Variants in PLAC8L1 observed in about 807,000 individuals in gnomAD.
PLAC8L1 encodes PLAC8 like 1, also known as PLAC8-like protein 1.
PLAC8L1 carries 13 observed loss-of-function variants against 16.3 expected under a neutral mutation model. That is an observed-to-expected ratio of 0.80 (90% CI 0.52 to 1.27). The LOEUF is 1.27. PLAC8L1 is among the 50% of genes most tolerant of loss of function. The probability of loss-of-function intolerance (pLI) is 0.00; values close to 1 mark genes in which losing one functional copy is unlikely to be tolerated. For missense variants in PLAC8L1, 184 were observed against 220.2 expected (o/e 0.84, Z 1.04); for synonymous variants, 78 against 79.3 (o/e 0.98, Z 0.09).
At chr5:146,093,356 C>A (rs776702042) in intron 2 of PLAC8L1, among the ~76,000 whole-genome samples, 6 of 152,132 alleles carry the variant, frequency 3.9e-5, no homozygotes, top group Non-Finnish European at 8.8e-5. Flanking sequence ...GCATTATGTG[C>A]ATGGCAGTCT....
In PLAC8L1 at chr5:146,104,355, T is replaced by C. The variant is rs73793836; in HGVS notation, c.-44A>G. On this transcript the variant is annotated 5_prime_UTR_variant, in exon 1 of 4. Transcript: ENST00000311450. ...GTCCTTTGGGCTATCCTTTTTCCCT[T>C]TGGCAATAAGCTGGTTTCTAAACTT... 6.7e-4 allele frequency: 988 copies of C among 1,469,798 alleles called. 4 individuals are homozygous for C. The highest frequency in any genetic ancestry group is 4.7e-3 in the East Asian group (208 of 43,944). The allele number at this position is 1,469,798 out of a possible 1,614,324, so 91.0% of individuals were successfully genotyped here.
At chr5:146,100,495 C>CATT (rs71581854) in intron 1 of PLAC8L1, among the ~76,000 whole-genome samples, 34,110 of 151,908 alleles carry the variant, frequency 0.22, 4,809 homozygotes, top group Admixed American at 0.34. Context: ...AAAAATCTAG[C>CATT]ATGTCAATTT....
chr5:146,085,605 T>C lies in PLAC8L1; in HGVS notation c.257-8A>G, dbSNP rs763677355. 3 of 1,599,672 alleles carry C rather than the reference T, an allele frequency of 1.9e-6. No homozygotes were observed. Among genetic ancestry groups the C allele is most frequent in the African/African-American group, 2.7e-5 (2 of 74,498 alleles). On this transcript the variant is annotated splice_region_variant and splice_polypyrimidine_tract_variant and intron_variant, in intron 2 of 3. Transcript: ENST00000311450. ...AGAATAGACCACAGAAACCTGTCAA[T>C]AACCACATCCAAAAAGCCAAGGTTC...
chr5:146,094,057 T>C (rs140943040), intron 2 of PLAC8L1, among the ~76,000 whole-genome samples: 1,700 of 152,264 alleles, frequency 0.011, 24 homozygotes, highest in African/African-American at 0.035. Context: ...TGTTTATAGA[T>C]TTTTGTTGTT....
rs746808227 is a variant in PLAC8L1, at chr5:146,098,228, T to C, written c.184A>G (p.Ile62Val). 5.0e-6 allele frequency: 8 copies of C among 1,614,128 alleles called. No homozygotes were observed. Among genetic ancestry groups the C allele is most frequent in the Non-Finnish European group, 6.8e-6 (8 of 1,180,010 alleles). Residue 62 changes from isoleucine to valine, a missense_variant, in exon 2 of 4, where the codon ATC (isoleucine) becomes GTC (valine). Coordinates refer to ENST00000311450, the MANE Select transcript of PLAC8L1 (RefSeq NM_001029869.3). The part of the protein sequence containing the change: ...PVRGASGRTT[I>V]TAIVQTGGGW... ...CCGCCAGTCTGGACAATTGCTGTGA[T>C]TGTCGTCCTGCCACTGGCTCCCCGA...
At chr5:146,084,771 G>T (rs976039090) in intron 3 of PLAC8L1, among the ~76,000 whole-genome samples, 199 bp from the exon 4 acceptor site, 1 of 152,340 alleles carries the variant, frequency 6.6e-6, no homozygotes, top group East Asian at 1.9e-4. Flanking sequence ...GATTCAGAGC[G>T]CTGCCCTTAG....
At chr5:146,102,105 G>C (rs1042729264) in intron 1 of PLAC8L1, among the ~76,000 whole-genome samples, 1 of 148,636 alleles carries the variant, frequency 6.7e-6, no homozygotes, top group Non-Finnish European at 1.5e-5. Flanking sequence ...ACCCAGGCTG[G>C]AGTTGAGCGG....
rs184717692 is a variant in PLAC8L1 at position 146,104,326 on chromosome 5, T to C, written c.-15A>G. 2,060 of 1,586,696 alleles carry C rather than the reference T, an allele frequency of 1.3e-3. 4 individuals carry two copies. The highest frequency in any genetic ancestry group is 1.6e-3 in the Non-Finnish European group (1,900 of 1,155,116). ...AACCAATTCATAGTGAGAAGTGTTT[T>C]CTTGTCCTTTGGGCTATCCTTTTTC... On this transcript the variant is annotated 5_prime_UTR_variant, in exon 1 of 4. Transcript: ENST00000311450.
At chr5:146,091,498 A>G (rs566971893) in intron 2 of PLAC8L1, among the ~76,000 whole-genome samples, 2 of 152,292 alleles carry the variant, frequency 1.3e-5, no homozygotes, top group East Asian at 1.9e-4. Flanking sequence ...TATTATAAAT[A>G]TAGAGAAATA....
rs1181182115 is a variant in PLAC8L1 at position 146,098,175 on chromosome 5, G to A, written c.237C>T (p.Val79=). The change falls in exon 2 of 4, where the codon GTC becomes GTT. Residue 79 remains valine (V), a synonymous_variant. Coordinates refer to ENST00000311450, the MANE Select transcript of PLAC8L1 (RefSeq NM_001029869.3). ...ACTTACAAATTCTCCTATCTCTGCAGACACTGAAGAGACCGGTGCTCCAGC... is the reference window on the plus strand; with the variant it reads ...ACTTACAAATTCTCCTATCTCTGCAAACACTGAAGAGACCGGTGCTCCAGC... The part of the protein sequence containing the change: ...GGGWSTGLFS[V]CRDRRICFCG... 3 of 1,613,642 alleles carry A rather than the reference G, an allele frequency of 1.9e-6. No homozygotes were observed. Among genetic ancestry groups the A allele is most frequent in the Non-Finnish European group, 2.5e-6 (3 of 1,179,768 alleles).
chr5:146,096,519 T>C (rs1327764698), intron 2 of PLAC8L1, among the ~76,000 whole-genome samples: 1 of 152,198 alleles, frequency 6.6e-6, no homozygotes, highest in Admixed American at 6.5e-5. Flanking sequence ...ATCTTCATTT[T>C]AGAGGTGGAA....
intron 2 of PLAC8L1, among the ~76,000 whole-genome samples, chr5:146,094,161 C>CA (rs1763673389): frequency 6.6e-6 from 1 of 152,208 alleles, no homozygotes; most frequent in East Asian, 1.9e-4. Context: ...CGACTCACTG[C>CA]AACCTCTGCC....
At chr5:146,100,588 T>C (rs1763797403) in intron 1 of PLAC8L1, among the ~76,000 whole-genome samples, 1 of 152,188 alleles carries the variant, frequency 6.6e-6, no homozygotes, top group Admixed American at 6.5e-5. Context: ...TTCCCAAATA[T>C]GAATGGTTGC....
At chr5:146,093,319 C>T (rs1229585430) in intron 2 of PLAC8L1, among the ~76,000 whole-genome samples, 1 of 152,036 alleles carries the variant, frequency 6.6e-6, no homozygotes, top group Non-Finnish European at 1.5e-5. Context: ...TTTTCATATA[C>T]AAAAAAGGTA....
chr5:146,103,317 GC>G (rs1382188396), intron 1 of PLAC8L1, among the ~76,000 whole-genome samples: 1 of 152,000 alleles, frequency 6.6e-6, no homozygotes, highest in Non-Finnish European at 1.5e-5. Context: ...GCACCACCAC[GC>G]CCAGCTAATT....
chr5:146,098,447 C>A (rs1307897537), intron 1 of PLAC8L1, among the ~76,000 whole-genome samples, 155 bp from the exon 2 acceptor site: 2 of 152,170 alleles, frequency 1.3e-5, no homozygotes, highest in South Asian at 4.1e-4. Context: ...CCCTCCTCCC[C>A]CTCCATCATA....
chr5:146,102,604 G>A (rs1449742616), intron 1 of PLAC8L1, among the ~76,000 whole-genome samples: 2 of 152,150 alleles, frequency 1.3e-5, no homozygotes, highest in African/African-American at 4.8e-5. Context: ...ATGAAGAACA[G>A]GAATGAGTAT....
intron 2 of PLAC8L1, among the ~76,000 whole-genome samples, chr5:146,091,412 T>G (rs1467678724): frequency 6.6e-6 from 1 of 152,074 alleles, no homozygotes; most frequent in Non-Finnish European, 1.5e-5. Flanking sequence ...CAGAGTTAAA[T>G]CTCTAAGGCA....
intron 3 of PLAC8L1, 68 bp downstream of exon 3, chr5:146,085,393 C>T: frequency 1.4e-6 from 2 of 1,480,204 alleles, no homozygotes; most frequent in Non-Finnish European, 1.8e-6. Context: ...TTTGGAAAAT[C>T]ACAGGTTTGG....
Sources: allele counts gnomAD v4.1 joint callset (sites outside exome capture counted in the v4.1 genomes callset), GRCh38; gene constraint gnomAD v4.1.1; transcripts MANE v1.5; gene names NCBI Gene and HGNC (gene_info 2026-07-23, HGNC 2026-07-21).